MTUS2: variants seen among roughly 807,000 people sequenced by gnomAD.
MTUS2 encodes the protein microtubule associated scaffold protein 2, also known as microtubule-associated tumor suppressor candidate 2.
A neutral mutation model predicts 114.1 loss-of-function variants in MTUS2; 40 were observed. That is an observed-to-expected ratio of 0.35 (90% CI 0.27 to 0.46). The LOEUF is 0.46. MTUS2 is among the 20% of genes least tolerant of loss of function. MTUS2 has a pLI of 1.00. For missense variants in MTUS2, 1,679 were observed against 1,705.4 expected (o/e 0.98, Z 0.27); for synonymous variants, 688 against 672.0 (o/e 1.02, Z -0.37).
intron 2 of MTUS2, among the ~76,000 whole-genome samples, chr13:29,017,860 G>C (rs755013748): frequency 6.6e-6 from 1 of 152,148 alleles, no homozygotes; most frequent in Non-Finnish European, 1.5e-5. Flanking sequence ...TCAGCCTAGC[G>C]AGCTCATAAT....
At chr13:28,824,795 A>T (rs1874152689) in intron 1 of MTUS2, among the ~76,000 whole-genome samples, 1 of 152,152 alleles carries the variant, frequency 6.6e-6, no homozygotes, top group Non-Finnish European at 1.5e-5. Flanking sequence ...AGGAACTTAC[A>T]GTGTAATGGA....
chr13:29,067,480 A>G (rs926132304), intron 4 of MTUS2, among the ~76,000 whole-genome samples: 3 of 152,214 alleles, frequency 2.0e-5, no homozygotes, highest in African/African-American at 7.2e-5. Flanking sequence ...ATTGGAAATT[A>G]GGAAGCAGTT....
At chr13:28,952,550 A>G (rs1355402588) in intron 2 of MTUS2, among the ~76,000 whole-genome samples, 1 of 151,934 alleles carries the variant, frequency 6.6e-6, no homozygotes, top group African/African-American at 2.4e-5. Context: ...CTCTTCTGTC[A>G]TCTTATCTCT....
intron 4 of MTUS2, among the ~76,000 whole-genome samples, chr13:29,064,682 G>C (rs1209070450): frequency 6.6e-6 from 1 of 151,914 alleles, no homozygotes; most frequent in Non-Finnish European, 1.5e-5. Flanking sequence ...TGTTATATAG[G>C]TTAGCATGTG....
At chr13:28,891,087 A>C (rs1473058421) in intron 2 of MTUS2, among the ~76,000 whole-genome samples, 1 of 152,216 alleles carries the variant, frequency 6.6e-6, no homozygotes, top group East Asian at 1.9e-4. Flanking sequence ...TGCTTGTATA[A>C]GTCAGCCCTT....
intron 2 of MTUS2, among the ~76,000 whole-genome samples, chr13:28,980,201 G>A (rs1884296983): frequency 6.6e-6 from 1 of 152,190 alleles, no homozygotes; most frequent in African/African-American, 2.4e-5. Context: ...GATTACAATA[G>A]AGTCCATGCA....
At chr13:29,397,701 G>A (rs1238785807) in intron 8 of MTUS2, among the ~76,000 whole-genome samples, 2 of 152,178 alleles carry the variant, frequency 1.3e-5, no homozygotes, top group African/African-American at 4.8e-5. Context: ...CTGCAGTGTG[G>A]GTACCCACAA....
At chr13:28,952,428 G>T (rs1882855871) in intron 2 of MTUS2, among the ~76,000 whole-genome samples, 1 of 152,172 alleles carries the variant, frequency 6.6e-6, no homozygotes, top group Non-Finnish European at 1.5e-5. Context: ...GTACATTCCT[G>T]CAAATTAGTA....
intron 5 of MTUS2, among the ~76,000 whole-genome samples, chr13:29,113,279 T>C (rs1361958668): frequency 2.6e-5 from 4 of 152,182 alleles, no homozygotes; most frequent in Non-Finnish European, 5.9e-5. Context: ...TCCTGTCCTT[T>C]CTACCTGCAC....
At chr13:29,466,774 A>G (rs73446154) in intron 9 of MTUS2, among the ~76,000 whole-genome samples, 3,455 of 151,018 alleles carry the variant, frequency 0.023, 115 homozygotes, top group African/African-American at 0.075. Context: ...CTACTAGGGC[A>G]GCTGGAGTGG....
At chr13:29,301,099 T>C (rs985508233) in intron 6 of MTUS2, among the ~76,000 whole-genome samples, 3 of 152,190 alleles carry the variant, frequency 2.0e-5, no homozygotes, top group African/African-American at 7.2e-5. Context: ...ACTTTGCTAA[T>C]CAATAGTCAC....
intron 5 of MTUS2, among the ~76,000 whole-genome samples, chr13:29,157,322 C>G (rs538950037): frequency 2.0e-5 from 3 of 152,322 alleles, no homozygotes; most frequent in Admixed American, 1.3e-4. Context: ...GCACTGCTCT[C>G]TCCATCAGTG....
At chr13:29,344,738 GTTATTGTT>G in intron 7 of MTUS2, among the ~76,000 whole-genome samples, 1 of 152,088 alleles carries the variant, frequency 6.6e-6, no homozygotes, top group Non-Finnish European at 1.5e-5. Context: ...TTGTCATTCT[GTTATTGTT>G]TTATACATCC....
intron 2 of MTUS2, among the ~76,000 whole-genome samples, chr13:28,844,910 C>G (rs572179388): frequency 6.6e-6 from 1 of 152,246 alleles, no homozygotes; most frequent in Admixed American, 6.5e-5. Flanking sequence ...AGCCACCATG[C>G]CTGGCCAGCA....
intron 2 of MTUS2, among the ~76,000 whole-genome samples, chr13:28,883,050 G>A (rs768800424): frequency 2.8e-4 from 42 of 152,178 alleles, no homozygotes; most frequent in Non-Finnish European, 5.1e-4. Flanking sequence ...GACACGAAAA[G>A]ATGTTCATAT....
intron 7 of MTUS2, among the ~76,000 whole-genome samples, chr13:29,354,978 A>G (rs1398651400): frequency 2.6e-5 from 4 of 152,222 alleles, no homozygotes; most frequent in African/African-American, 7.2e-5. Flanking sequence ...GTTCTGTCCT[A>G]TAATTCTTTG....
At chr13:29,222,167 A>G (rs1895934945) in intron 5 of MTUS2, among the ~76,000 whole-genome samples, 1 of 152,152 alleles carries the variant, frequency 6.6e-6, no homozygotes, top group South Asian at 2.1e-4. Context: ...TATTTATTTA[A>G]GTTTGTCTTT....
intron 1 of MTUS2, among the ~76,000 whole-genome samples, chr13:28,825,359 A>G (rs1418855033): frequency 6.6e-6 from 1 of 152,168 alleles, no homozygotes; most frequent in Non-Finnish European, 1.5e-5. Flanking sequence ...TATGATGTAT[A>G]AAAGATGTGG....
intron 5 of MTUS2, among the ~76,000 whole-genome samples, chr13:29,244,888 G>A (rs1593215262): frequency 7.0e-6 from 1 of 141,992 alleles, no homozygotes; most frequent in Non-Finnish European, 1.5e-5. Flanking sequence ...CCCGGGAGGC[G>A]GAGCTTGCAG....
Sources: allele counts gnomAD v4.1 joint callset (sites outside exome capture counted in the v4.1 genomes callset), GRCh38; gene constraint gnomAD v4.1.1; transcripts MANE v1.5; gene names NCBI Gene and HGNC (gene_info 2026-07-23, HGNC 2026-07-21).